The following STYXL1 variants were observed in gnomAD, a reference collection of about 807,000 sequenced individuals.
STYXL1 encodes serine/threonine/tyrosine-interacting-like protein 1.
Under a neutral mutation model 36.4 loss-of-function variants are expected in STYXL1, and 32 were observed. The ratio of observed to expected loss-of-function variants is 0.88; its 90% CI spans 0.66 to 1.18. The LOEUF (loss-of-function observed/expected upper bound fraction) is 1.18. Ranked by LOEUF, STYXL1 falls within the 50% of genes most tolerant of loss-of-function variation. The pLI, the probability that STYXL1 is intolerant of heterozygous loss-of-function variation, is 0.00. For missense variants in STYXL1, 354 were observed against 394.1 expected (o/e 0.90, Z 0.86); for synonymous variants, 133 against 144.1 (o/e 0.92, Z 0.55).
intron 4 of STYXL1, among the ~76,000 whole-genome samples, chr7:76,014,803 CAT>C (rs61175361): frequency 0.12 from 17,794 of 152,026 alleles, 2,044 homozygotes; most frequent in African/African-American, 0.3. Context: ...ATTTATACCA[CAT>C]ATATATGTCA....
intron 6 of STYXL1, among the ~76,000 whole-genome samples, chr7:76,004,116 CAG>C (rs1554569319): frequency 6.6e-6 from 1 of 152,004 alleles, no homozygotes; most frequent in African/African-American, 2.4e-5. Context: ...TTGTTTGAGA[CAG>C]ATTCCCGCTC....
chr7:76,003,993 C>A (rs782557411), intron 6 of STYXL1, 138 bp from the exon 7 acceptor site: 21 of 693,724 alleles, frequency 3.0e-5, no homozygotes, highest in Non-Finnish European at 5.1e-5. Context: ...GGTAACTCAA[C>A]CTCTCCTGGA....
chr7:76,017,829 G>A (rs1793566191), intron 4 of STYXL1, among the ~76,000 whole-genome samples: 1 of 97,924 alleles, frequency 1.0e-5, no homozygotes, highest in African/African-American at 4.0e-5. Flanking sequence ...TCACACCATT[G>A]CACTCCAACC....
chr7:76,047,453 AGTT>A (rs1370794645), intron 1 of STYXL1, among the ~76,000 whole-genome samples: 4 of 152,158 alleles, frequency 2.6e-5, no homozygotes, highest in Non-Finnish European at 5.9e-5. Context: ...TGACCACGGA[AGTT>A]GTTGTCCCTA....
chr7:76,025,909 G>A (rs1431709876), intron 3 of STYXL1, among the ~76,000 whole-genome samples: 1 of 151,778 alleles, frequency 6.6e-6, no homozygotes, highest in Non-Finnish European at 1.5e-5. Flanking sequence ...AAGCAGCACA[G>A]AGGCCGGGCG....
In STYXL1 at chr7:76,038,120, G is replaced by A. The variant is rs782158587; in HGVS notation, c.-4-7593C>T. ...GGCTCACTCTGTTGCCCAGGCTGGC[G>A]TGCAGTGGCACAATCATGGCTCACT... On this transcript the variant is annotated intron_variant, in intron 1 of 8. Transcript: ENST00000359697. Among the ~76,000 whole-genome samples, 36 of 150,256 alleles carry A rather than the reference G, an allele frequency of 2.4e-4. 3 individuals carry two copies. Among genetic ancestry groups the A allele is most frequent in the Middle Eastern group, 3.3e-3 (1 of 306 alleles).
At chr7:76,011,119 G>T (rs1792505229) in intron 5 of STYXL1, among the ~76,000 whole-genome samples, 1 of 152,172 alleles carries the variant, frequency 6.6e-6, no homozygotes, top group African/African-American at 2.4e-5. Context: ...AAGAGGCTGA[G>T]GCTGGAGGAT....
At chr7:76,035,691 A>G (rs1795844344) in intron 1 of STYXL1, among the ~76,000 whole-genome samples, 2 of 149,686 alleles carry the variant, frequency 1.3e-5, no homozygotes, top group Non-Finnish European at 3.0e-5. Context: ...CTTTGTGTCT[A>G]GTCCTACAAC....
At chr7:76,027,632 G>C (rs1441580406) in intron 3 of STYXL1, among the ~76,000 whole-genome samples, 1 of 151,126 alleles carries the variant, frequency 6.6e-6, no homozygotes, top group Admixed American at 6.6e-5. Flanking sequence ...ACAACATAAA[G>C]CTCCAAAAAT....
At chr7:76,035,370 C>T (rs1795815456) in intron 1 of STYXL1, among the ~76,000 whole-genome samples, 3 of 130,908 alleles carry the variant, frequency 2.3e-5, no homozygotes, top group Admixed American at 1.5e-4. Context: ...TGCTTATTTG[C>T]TTGTTTATTG....
intron 1 of STYXL1, among the ~76,000 whole-genome samples, chr7:76,031,714 C>A (rs1290168732): frequency 8.1e-4 from 109 of 134,646 alleles, no homozygotes; most frequent in Middle Eastern, 4.3e-3. Context: ...GACTCCATCT[C>A]AAAAAAAAAA....
At chr7:76,040,009 C>T (rs904990591) in intron 1 of STYXL1, among the ~76,000 whole-genome samples, 3 of 152,176 alleles carry the variant, frequency 2.0e-5, no homozygotes, top group Non-Finnish European at 4.4e-5. Flanking sequence ...TAGATCCAGC[C>T]GTCCACATCC....
At position 76,017,866 on chromosome 7, in the gene STYXL1, C is replaced by CAAAAAAAAAAAAAAAAAAAAAAAA. The variant is rs71082374; in HGVS notation, c.308-3980_308-3979insTTTTTTTTTTTTTTTTTTTTTTTT. ...GGGCAACAAGAGCAAAACTCCATCT[C>CAAAAAAAAAAAAAAAAAAAAAAAA]AAAAAAAAAAAAAAAGGCAAGACAG... On this transcript the variant is annotated intron_variant, in intron 4 of 8. Transcript: ENST00000359697. Among the ~76,000 whole-genome samples the CAAAAAAAAAAAAAAAAAAAAAAAA allele has an allele frequency of 8.5e-3, 88 of 10,338 alleles. 34 individuals are homozygous for CAAAAAAAAAAAAAAAAAAAAAAAA. Among genetic ancestry groups the CAAAAAAAAAAAAAAAAAAAAAAAA allele is most frequent in the Non-Finnish European group, 0.012 (55 of 4,424 alleles). 6.8% of individuals were successfully genotyped at this position (10,338 alleles called of 152,430 possible). A position where few individuals can be genotyped will look rare whatever the true frequency, so the allele number is the denominator to read the frequency against.
At chr7:76,001,667 G>A (rs1042132244) in intron 7 of STYXL1, among the ~76,000 whole-genome samples, 1 of 151,890 alleles carries the variant, frequency 6.6e-6, no homozygotes, top group Non-Finnish European at 1.5e-5. Context: ...CTAATTTTTT[G>A]TATTTTTAAT....
intron 1 of STYXL1, among the ~76,000 whole-genome samples, chr7:76,034,295 C>G (rs570684804): frequency 3.1e-4 from 47 of 152,220 alleles, no homozygotes; most frequent in African/African-American, 1.1e-3. Context: ...TGGGGTCTCA[C>G]TATGTTGCCC....
chr7:76,001,792 ATTTTTTTTT>A (rs71082373), intron 7 of STYXL1, among the ~76,000 whole-genome samples: 4 of 96,924 alleles, frequency 4.1e-5, no homozygotes, highest in South Asian at 3.9e-4. Flanking sequence ...ACTGCGCCTG[ATTTTTTTTT>A]TTTTTTTTTT....
At chr7:76,019,012 C>A (rs1793728127) in intron 4 of STYXL1, among the ~76,000 whole-genome samples, 1 of 152,168 alleles carries the variant, frequency 6.6e-6, no homozygotes, top group Non-Finnish European at 1.5e-5. Flanking sequence ...TGATTATTAC[C>A]ATCCCAGTGG....
At chr7:76,029,101 A>G (rs1267467828) in intron 2 of STYXL1, among the ~76,000 whole-genome samples, 5 of 152,162 alleles carry the variant, frequency 3.3e-5, no homozygotes, top group African/African-American at 1.2e-4. Context: ...CCTGGGCAAC[A>G]GAACAAGATT....
At chr7:76,013,188 T>C (rs1792790544) in intron 5 of STYXL1, among the ~76,000 whole-genome samples, 1 of 151,862 alleles carries the variant, frequency 6.6e-6, no homozygotes, top group African/African-American at 2.4e-5. Flanking sequence ...TAGCCGGGCG[T>C]GCTGGTGGGC....
Sources: allele counts gnomAD v4.1 joint callset (sites outside exome capture counted in the v4.1 genomes callset), GRCh38; gene constraint gnomAD v4.1.1; transcripts MANE v1.5; gene names NCBI Gene and HGNC (gene_info 2026-07-23, HGNC 2026-07-21).